The following APBB1IP variants were observed in gnomAD, a reference collection of about 807,000 sequenced individuals.
The protein encoded by APBB1IP is amyloid beta precursor protein binding family B member 1 interacting protein.
APBB1IP carries 27 observed loss-of-function variants against 64.9 expected under a neutral mutation model. That is an observed-to-expected ratio of 0.42 (90% CI 0.31 to 0.57). APBB1IP has a LOEUF of 0.57. APBB1IP is among the 20% of genes least tolerant of loss of function. The pLI is 0.20. For missense variants in APBB1IP, 812 were observed against 845.5 expected (o/e 0.96, Z 0.49); for synonymous variants, 392 against 331.0 (o/e 1.18, Z -2.00).
At chr10:26,501,314 C>A (rs370839916) in intron 5 of APBB1IP, 10 of 618,740 alleles carry the variant, frequency 1.6e-5, no homozygotes, top group African/African-American at 3.6e-5. Flanking sequence ...TGTATTAGGG[C>A]CATATTCAGG....
intron 2 of APBB1IP, among the ~76,000 whole-genome samples, chr10:26,453,905 A>G (rs1488368836): frequency 1.3e-5 from 2 of 152,224 alleles, no homozygotes; most frequent in Non-Finnish European, 2.9e-5. Context: ...TATCAAAAAG[A>G]TATCTGCGCT....
chr10:26,561,199 G>C (rs1273692503), intron 13 of APBB1IP, among the ~76,000 whole-genome samples: 1 of 148,444 alleles, frequency 6.7e-6, no homozygotes, highest in Non-Finnish European at 1.5e-5. Flanking sequence ...CTCCTGAGTA[G>C]CTGGGACTAC....
chr10:26,533,038 G>A (rs544985247), intron 8 of APBB1IP, among the ~76,000 whole-genome samples: 4 of 152,336 alleles, frequency 2.6e-5, no homozygotes, highest in Admixed American at 1.3e-4. Context: ...GCATCTGCCT[G>A]CCGGAGCAGT....
intron 2 of APBB1IP, among the ~76,000 whole-genome samples, chr10:26,461,184 G>A (rs1429606167): frequency 2.0e-5 from 3 of 151,934 alleles, no homozygotes; most frequent in Non-Finnish European, 4.4e-5. Context: ...AGGAAAGAAG[G>A]AAGGAAGGGA....
chr10:26,518,798 A>C (rs1420250528), intron 8 of APBB1IP, among the ~76,000 whole-genome samples: 2 of 152,170 alleles, frequency 1.3e-5, no homozygotes, highest in African/African-American at 4.8e-5. Context: ...CCCTGAGGGG[A>C]AGTGTGGCTT....
At chr10:26,564,118 G>C (rs1837009404) in intron 14 of APBB1IP, among the ~76,000 whole-genome samples, 1 of 151,160 alleles carries the variant, frequency 6.6e-6, no homozygotes, top group Non-Finnish European at 1.5e-5. Context: ...AAATCAGAAG[G>C]CACTTTATTA....
rs1396772241 is a variant in APBB1IP, at chr10:26,496,397, C to A, written c.160+6C>A. The A allele has an allele frequency of 6.3e-7, 1 of 1,593,124 alleles. No individual in the cohort carries two copies. The highest frequency in any genetic ancestry group is 1.7e-5 in the Admixed American group (1 of 59,534). ...GGGGTTTAAAGATTTAAATGGTAAG[C>A]ATAACAATTTCTTTTCTTAAGTAAT... On this transcript the variant is annotated splice_donor_region_variant and intron_variant, in intron 4 of 14. Transcript: ENST00000376236.
At chr10:26,529,793 A>C (rs918058597) in intron 8 of APBB1IP, among the ~76,000 whole-genome samples, 2 of 151,976 alleles carry the variant, frequency 1.3e-5, no homozygotes, top group Admixed American at 1.3e-4. Flanking sequence ...GGCGCCCACC[A>C]CCAAACCCAA....
At chr10:26,505,701 AG>A (rs1453832070) in intron 6 of APBB1IP, among the ~76,000 whole-genome samples, 1 of 149,070 alleles carries the variant, frequency 6.7e-6, no homozygotes, top group Non-Finnish European at 1.5e-5. Context: ...TCAAAACAAA[AG>A]TTGCGCAAGC....
At chr10:26,478,558 T>C (rs1038413596) in intron 2 of APBB1IP, among the ~76,000 whole-genome samples, 2 of 146,730 alleles carry the variant, frequency 1.4e-5, no homozygotes, top group African/African-American at 2.5e-5. Flanking sequence ...GAGGTTGCAG[T>C]GAGCCAAGAT....
chr10:26,461,311 G>A (rs1835589444), intron 2 of APBB1IP, among the ~76,000 whole-genome samples: 1 of 152,134 alleles, frequency 6.6e-6, no homozygotes, highest in South Asian at 2.1e-4. Flanking sequence ...AATGAGGATA[G>A]GGATCTGACT....
intron 12 of APBB1IP, among the ~76,000 whole-genome samples, chr10:26,560,442 C>T (rs1331463844): frequency 2.0e-5 from 3 of 152,098 alleles, no homozygotes; most frequent in South Asian, 2.1e-4. Flanking sequence ...AATTAAAAAA[C>T]GCAAGATGGA....
chr10:26,555,455 A>G (rs751892350), intron 11 of APBB1IP, among the ~76,000 whole-genome samples: 2 of 152,162 alleles, frequency 1.3e-5, no homozygotes, highest in Non-Finnish European at 2.9e-5. Context: ...GCCCATTTTC[A>G]AACTTTTAGT....
chr10:26,567,395 C>T lies in APBB1IP; in HGVS notation c.1908C>T (p.Asn636=). 1 of 1,594,950 alleles carries T rather than the reference C, an allele frequency of 6.3e-7. No homozygotes were observed. The highest frequency in any genetic ancestry group is 2.3e-5 in the East Asian group (1 of 43,900). ...RPPVPPKRQE[N]PGHPGGAGGG... is the part of the protein sequence containing the mutation. ...CTGTGCCCCCCAAGAGGCAAGAGAACCCAGGGCACCCCGGCGGAGCAGGAG... is the reference window on the plus strand; with the variant it reads ...CTGTGCCCCCCAAGAGGCAAGAGAATCCAGGGCACCCCGGCGGAGCAGGAG... The change falls in exon 15 of 15, where the codon AAC becomes AAT. Residue 636 remains asparagine (N), a synonymous_variant. Transcript: ENST00000376236.
At chr10:26,503,047 A>G (rs1326962116) in intron 5 of APBB1IP, 150 bp from the exon 6 acceptor site, 1 of 679,276 alleles carries the variant, frequency 1.5e-6, no homozygotes, top group Non-Finnish European at 2.4e-6. Flanking sequence ...TATGCCTTTA[A>G]AAAGTAATTA....
intron 2 of APBB1IP, among the ~76,000 whole-genome samples, chr10:26,460,199 C>G (rs1400963168): frequency 6.6e-6 from 1 of 152,118 alleles, no homozygotes; most frequent in East Asian, 1.9e-4. Context: ...AAATAAAACA[C>G]CCTTCTTAGG....
chr10:26,545,318 A>G (rs944566493), intron 11 of APBB1IP, among the ~76,000 whole-genome samples: 13 of 151,040 alleles, frequency 8.6e-5, no homozygotes, highest in Non-Finnish European at 1.5e-5. Flanking sequence ...GATTAAGGAT[A>G]CAGGGAGGCA....
At chr10:26,529,461 A>C (rs938139774) in intron 8 of APBB1IP, among the ~76,000 whole-genome samples, 1 of 152,232 alleles carries the variant, frequency 6.6e-6, no homozygotes, top group African/African-American at 2.4e-5. Context: ...AGTCAGAAGT[A>C]TGTCAGAGAA....
chr10:26,523,808 A>T (rs923278250), intron 8 of APBB1IP, among the ~76,000 whole-genome samples: 29 of 152,084 alleles, frequency 1.9e-4, no homozygotes, highest in Non-Finnish European at 3.2e-4. Flanking sequence ...TTCTTTAAAA[A>T]AAAATAAAAT....
Sources: gnomAD v4.1 joint callset for allele counts (sites outside exome capture counted in the v4.1 genomes callset) on GRCh38, gnomAD v4.1.1 for gene constraint, MANE v1.5 for transcripts, NCBI Gene and HGNC (gene_info 2026-07-23, HGNC 2026-07-21) for gene names.